GCNT2: variants seen among roughly 807,000 people sequenced by gnomAD.
GCNT2 encodes N-acetyllactosaminide beta-1,6-N-acetylglucosaminyl-transferase.
In GCNT2, 34 loss-of-function variants were observed where a neutral mutation model predicts 34.2. That is an observed-to-expected ratio of 1.00 (90% CI 0.76 to 1.32). The LOEUF is 1.32. GCNT2 is among the 40% of genes most tolerant of loss of function. The pLI, the probability that GCNT2 is intolerant of heterozygous loss-of-function variation, is 0.00. For synonymous variants in GCNT2, 212 were observed against 188.0 expected (o/e 1.13, Z -1.04); for missense variants, 584 against 489.4 (o/e 1.19, Z -1.82).
At chr6:10,603,571 A>C (rs1159727381) in intron 3 of GCNT2, among the ~76,000 whole-genome samples, 1 of 152,188 alleles carries the variant, frequency 6.6e-6, no homozygotes, top group Non-Finnish European at 1.5e-5. Flanking sequence ...GCTGGAGTGC[A>C]GTGGTGCAAT....
At position 10,601,486 on chromosome 6, in the gene GCNT2, C is replaced by T. The variant is rs545876405; in HGVS notation, c.926-19865C>T. On this transcript the variant is annotated intron_variant, in intron 3 of 4. Coordinates refer to ENST00000495262, the MANE Select transcript of GCNT2 (RefSeq NM_145649.5). ...GAGCATCATGGTGAGCATGCCACAA[C>T]GCCCCAGTATGGTTTCTTATCAGAA... Among the ~76,000 whole-genome samples, 18 of 152,270 alleles carry T rather than the reference C, an allele frequency of 1.2e-4. 1 individual carries two copies. In the East Asian group the frequency reaches 2.7e-3, roughly 23 times the overall value.
intron 3 of GCNT2, chr6:10,557,433 G>T (rs1762773047): frequency 1.0e-6 from 1 of 974,714 alleles, no homozygotes; most frequent in Admixed American, 1.7e-5. Context: ...GGAAGTAGAA[G>T]ATGAAAACTG....
chr6:10,528,916 T>C lies in GCNT2; in HGVS notation c.5T>C (p.Met2Thr), dbSNP rs374655971. 20 of 1,611,594 alleles carry C rather than the reference T, an allele frequency of 1.2e-5. No individual in the cohort carries two copies. The highest frequency in any genetic ancestry group is 1.5e-5 in the Non-Finnish European group (18 of 1,177,888). The change falls in exon 3 of 5, where the codon ATG (methionine) becomes ACG (threonine). Residue 2 changes from methionine to threonine, a missense_variant. Met to Thr is a moderately conservative substitution (Grantham distance 81). Coordinates refer to ENST00000495262, the MANE Select transcript of GCNT2 (RefSeq NM_145649.5). ...TTACTCATTTCCTGGTTGTGAATGA[T>C]GGGCTCTTGGAAGCACTGTCTTTTT... MMGSWKHCLFSA... is the reference protein window; with the variant it reads MTGSWKHCLFSA...
At chr6:10,613,152 CTG>C (rs1489953723) in intron 3 of GCNT2, among the ~76,000 whole-genome samples, 1 of 152,140 alleles carries the variant, frequency 6.6e-6, no homozygotes, top group Non-Finnish European at 1.5e-5. Context: ...GAGGACCAAA[CTG>C]TGTAAGAATA....
chr6:10,529,923 T>C, intron 3 of GCNT2, 87 bp downstream of exon 3: 10 of 1,063,760 alleles, frequency 9.4e-6, no homozygotes, highest in Non-Finnish European at 1.3e-5. Context: ...GTGGAAAAAA[T>C]GGGACAAACT....
intron 3 of GCNT2, among the ~76,000 whole-genome samples, chr6:10,567,244 G>A (rs536544196): frequency 1.3e-5 from 2 of 152,270 alleles, no homozygotes; most frequent in East Asian, 3.9e-4. Context: ...AAGATCACTT[G>A]GCCCCAGGAG....
At chr6:10,529,878 G>A in intron 3 of GCNT2, 42 bp downstream of exon 3, 1 of 1,426,712 alleles carries the variant, frequency 7.0e-7, no homozygotes, top group Non-Finnish European at 9.9e-7. Context: ...AATAAACACT[G>A]CATGGTCAAT....
At chr6:10,531,729 G>A (rs561288768) in intron 3 of GCNT2, among the ~76,000 whole-genome samples, 61 of 152,160 alleles carry the variant, frequency 4.0e-4, no homozygotes, top group Non-Finnish European at 7.3e-4. Context: ...AGTGTCCAGA[G>A]TAAGGGAAGT....
At chr6:10,593,708 C>G (rs1379922891) in intron 3 of GCNT2, among the ~76,000 whole-genome samples, 1 of 152,100 alleles carries the variant, frequency 6.6e-6, no homozygotes, top group East Asian at 1.9e-4. Flanking sequence ...AGTGGTATAT[C>G]AAAGCTATAT....
intron 3 of GCNT2, among the ~76,000 whole-genome samples, chr6:10,595,207 T>A (rs1355945300): frequency 6.6e-6 from 1 of 152,194 alleles, no homozygotes; most frequent in Admixed American, 6.5e-5. Context: ...ATGAAGGATG[T>A]CAATGCTATC....
intron 3 of GCNT2, among the ~76,000 whole-genome samples, chr6:10,585,038 TGTG>T (rs1764281362): frequency 2.8e-5 from 3 of 108,164 alleles, no homozygotes; most frequent in Non-Finnish European, 5.3e-5. Flanking sequence ...AGTCAGTGTG[TGTG>T]TGTGTGTGTG....
intron 3 of GCNT2, among the ~76,000 whole-genome samples, chr6:10,545,734 C>G (rs1299746023): frequency 1.3e-5 from 2 of 152,102 alleles, no homozygotes; most frequent in Non-Finnish European, 2.9e-5. Flanking sequence ...CAAGTGTCTT[C>G]AGCTTTGTGA....
intron 3 of GCNT2, among the ~76,000 whole-genome samples, chr6:10,538,206 G>A (rs918517136): frequency 6.6e-6 from 1 of 151,450 alleles, no homozygotes; most frequent in African/African-American, 2.4e-5. Context: ...TCAGCAGTTC[G>A]AGACCAGCCT....
intron 3 of GCNT2, among the ~76,000 whole-genome samples, chr6:10,536,501 C>T (rs943815096): frequency 2.0e-5 from 3 of 151,262 alleles, no homozygotes; most frequent in Non-Finnish European, 4.4e-5. Flanking sequence ...ACTACAGGCG[C>T]CCACCACTGT....
intron 3 of GCNT2, among the ~76,000 whole-genome samples, chr6:10,577,729 C>T (rs1245560305): frequency 2.0e-5 from 3 of 151,750 alleles, no homozygotes; most frequent in Non-Finnish European, 2.9e-5. Flanking sequence ...TTAGTAGAGA[C>T]GGAGTTTCAC....
intron 3 of GCNT2, among the ~76,000 whole-genome samples, chr6:10,588,524 A>G (rs938243747): frequency 3.3e-5 from 5 of 152,172 alleles, no homozygotes; most frequent in Admixed American, 3.3e-4. Context: ...TGTGGCCTGA[A>G]GTGTGAGCCG....
chr6:10,562,334 G>A (rs541233866), intron 3 of GCNT2, among the ~76,000 whole-genome samples: 1 of 152,256 alleles, frequency 6.6e-6, no homozygotes, highest in East Asian at 1.9e-4. Flanking sequence ...GCTTTTCACA[G>A]TGGTTACTCC....
intron 3 of GCNT2, among the ~76,000 whole-genome samples, chr6:10,538,178 T>C (rs1761860488): frequency 6.6e-6 from 1 of 151,584 alleles, no homozygotes; most frequent in South Asian, 2.1e-4. Flanking sequence ...GCAGCTGAGG[T>C]GGGCAGATCA....
chr6:10,540,995 T>C (rs1290300011), intron 3 of GCNT2, among the ~76,000 whole-genome samples: 1 of 152,142 alleles, frequency 6.6e-6, no homozygotes, highest in African/African-American at 2.4e-5. Flanking sequence ...GAGGACTGAA[T>C]TTGTATATTG....
Sources: gnomAD v4.1 joint callset for allele counts (sites outside exome capture counted in the v4.1 genomes callset) on GRCh38, gnomAD v4.1.1 for gene constraint, MANE v1.5 for transcripts, NCBI Gene and HGNC (gene_info 2026-07-23, HGNC 2026-07-21) for gene names.